BICRA: variants seen among roughly 807,000 people sequenced by gnomAD.
BICRA encodes BRD4 interacting chromatin remodeling complex associated protein, also known as BRD4-interacting chromatin-remodeling complex-associated protein.
BICRA carries 31 observed loss-of-function variants against 96.9 expected under a neutral mutation model. The ratio of observed to expected loss-of-function variants is 0.32; its 90% CI spans 0.24 to 0.43. BICRA has a LOEUF of 0.43. Among genes scored for constraint, BICRA ranks in the 20% least tolerant of loss-of-function variants. The pLI is 1.00. For missense variants in BICRA, 2,283 were observed against 2,190.3 expected, an observed-to-expected ratio of 1.04 and a Z score of -0.84; for synonymous variants, 1,350 against 1,071.8, an observed-to-expected ratio of 1.26 and a Z score of -5.07.
chr19:47,629,159 G>A (rs199604284), intron 1 of BICRA, among the ~76,000 whole-genome samples: 4 of 151,856 alleles, frequency 2.6e-5, no homozygotes, highest in South Asian at 2.1e-4. Context: ...CCACCACCAC[G>A]CCCGGCTAAT....
chr19:47,701,199 G>A lies in BICRA; in HGVS notation c.3596-129G>A. 1 of 669,328 alleles carries A rather than the reference G, an allele frequency of 1.5e-6. No homozygotes were observed. Among genetic ancestry groups the A allele is most frequent in the East Asian group, 2.7e-5 (1 of 36,942 alleles). The allele number at this position is 669,328 out of a possible 1,614,324, so 41.5% of individuals were successfully genotyped here. A position where few individuals can be genotyped will look rare whatever the true frequency, so the allele number is the denominator to read the frequency against. On this transcript the variant is annotated intron_variant, in intron 14 of 14. Transcript: ENST00000594866. This position sits in a 1 kb window ranked among gnomAD's most constrained non-coding sequence, Gnocchi z 5.4. ...GAGGGTCTCACCAAGCCTATCCTGA[G>A]GATTGGAGGGTCCAGGGTGCAGTCT...
Position 47,695,342 on chromosome 19 carries a change from TCCC to T in BICRA, c.3077-20_3077-18del. 7 of 630,180 alleles carry T rather than the reference TCCC, an allele frequency of 1.1e-5. No homozygotes were observed. The highest frequency in any genetic ancestry group is 5.8e-5 in the Admixed American group (2 of 34,530). 39.0% of individuals were successfully genotyped at this position (630,180 alleles called of 1,614,324 possible). A position where few individuals can be genotyped will look rare whatever the true frequency, so the allele number is the denominator to read the frequency against. ...TCATGCAGTGACCGCAGGCCCTGTC[TCCC>T]CCACCCCACCCACCCCCAGGCCTCC... On this transcript the variant is annotated intron_variant, in intron 9 of 14. Coordinates refer to ENST00000594866, the MANE Select transcript of BICRA (RefSeq NM_001394372.1).
Position 47,694,537 on chromosome 19 carries a change from G to T in BICRA, c.2706G>T (p.Thr902=). ...CGTCCTCCAGGTTGCCAGCCCCTAC[G>T]CCATCCGACTTCCAGCTCCAGTTCC... ...SETSSRLPAP[T]PSDFQLQFPP... is the part of the protein sequence containing the mutation. The change falls in exon 8 of 15, where the codon ACG becomes ACT. Residue 902 remains threonine (T), a synonymous_variant. Transcript: ENST00000594866. 1 of 1,536,930 alleles carries T rather than the reference G, an allele frequency of 6.5e-7. No individual in the cohort carries two copies. Among genetic ancestry groups the T allele is most frequent in the South Asian group, 1.1e-5 (1 of 89,372 alleles).
chr19:47,612,892 C>A (rs532782303), intron 1 of BICRA, among the ~76,000 whole-genome samples: 2 of 151,762 alleles, frequency 1.3e-5, no homozygotes, highest in South Asian at 4.2e-4. Context: ...GCCACTGTCC[C>A]CTCCTTTAAG....
At chr19:47,697,795 C>G (rs1973370662) in intron 11 of BICRA, among the ~76,000 whole-genome samples, 1 of 152,148 alleles carries the variant, frequency 6.6e-6, no homozygotes, top group Non-Finnish European at 1.5e-5. Flanking sequence ...GTCTGAAACT[C>G]CTAGTCTCAA....
chr19:47,656,161 C>T (rs1972615872), intron 1 of BICRA, among the ~76,000 whole-genome samples: 1 of 151,674 alleles, frequency 6.6e-6, no homozygotes, highest in Non-Finnish European at 1.5e-5. Context: ...ATGGCGCACA[C>T]CTAAGGAGGA....
chr19:47,684,174 TTTA>T (rs1973109772), intron 7 of BICRA, among the ~76,000 whole-genome samples: 1 of 152,052 alleles, frequency 6.6e-6, no homozygotes, highest in South Asian at 2.1e-4. Flanking sequence ...AATGTTTGCT[TTTA>T]TTATTATTAC....
intron 1 of BICRA, among the ~76,000 whole-genome samples, chr19:47,649,963 T>A (rs1972517666): frequency 6.8e-6 from 1 of 147,580 alleles, no homozygotes; most frequent in Non-Finnish European, 1.5e-5. Flanking sequence ...TTGCCATTAC[T>A]TTTTTTTTTT....
chr19:47,699,728 G>A lies in BICRA; in HGVS notation c.3595+323G>A, dbSNP rs566696920. On this transcript the variant is annotated intron_variant, in intron 14 of 14. Transcript: ENST00000594866. The surrounding 1 kb of genome is among the most constrained non-coding windows in gnomAD (Gnocchi z 5.0). ...TAGGTTGCAAAATATATAAGGTAAC[G>A]CCCACTCTTGGGTGCCAGTCCTTTG... 7.9e-5 allele frequency among the ~76,000 whole-genome samples: 12 copies of A among 152,270 alleles called. No individual in the cohort carries two copies. In the South Asian group the frequency reaches 8.3e-4, roughly 11 times the overall value.
chr19:47,610,617 C>CA (rs1555783201), intron 1 of BICRA, among the ~76,000 whole-genome samples: 1 of 146,420 alleles, frequency 6.8e-6, no homozygotes, highest in African/African-American at 2.6e-5. Flanking sequence ...CACCCCCCCC[C>CA]CACACACACA....
intron 1 of BICRA, among the ~76,000 whole-genome samples, chr19:47,658,409 C>T (rs1039641680): frequency 2.0e-5 from 3 of 151,994 alleles, no homozygotes; most frequent in African/African-American, 4.8e-5. Flanking sequence ...GCTTCTAGGC[C>T]GGGCATGGTG....
intron 1 of BICRA, among the ~76,000 whole-genome samples, chr19:47,621,740 A>AT (rs1972068159): frequency 1.3e-5 from 2 of 152,018 alleles, no homozygotes; most frequent in South Asian, 4.1e-4. Context: ...AAGTGCTGGG[A>AT]TTACAGGCGT....
chr19:47,675,926 G>T lies in BICRA; in HGVS notation c.150+10G>T. 5 of 1,590,646 alleles carry T rather than the reference G, an allele frequency of 3.1e-6. No homozygotes were observed. Among genetic ancestry groups the T allele is most frequent in the East Asian group, 2.3e-5 (1 of 44,284 alleles). The stretch of plus-strand genomic sequence containing the variant: ...CTATGAAGGTCCTGGGGTAAGTGCC[G>T]TGGCTCCCGATCATTGCCTGAGCTG... On this transcript the variant is annotated intron_variant, in intron 5 of 14. Coordinates refer to ENST00000594866, the MANE Select transcript of BICRA (RefSeq NM_001394372.1). The surrounding 1 kb of genome is among the most constrained non-coding windows in gnomAD (Gnocchi z 4.7).
intron 1 of BICRA, among the ~76,000 whole-genome samples, chr19:47,638,578 G>T: frequency 6.6e-6 from 1 of 151,976 alleles, no homozygotes; most frequent in South Asian, 2.1e-4. Flanking sequence ...AAGCATCTCT[G>T]TCACTCGCTC....
At chr19:47,690,982 G>A (rs1205313120) in intron 7 of BICRA, among the ~76,000 whole-genome samples, 1 of 152,104 alleles carries the variant, frequency 6.6e-6, no homozygotes, top group Non-Finnish European at 1.5e-5. Context: ...TGCTATGCAG[G>A]AAATTACCCT....
At position 47,694,535 on chromosome 19, in the gene BICRA, A is replaced by G; in HGVS notation, c.2704A>G (p.Thr902Ala). Reference protein sequence around the residue: ...SETSSRLPAPTPSDFQLQFPP... With the variant: ...SETSSRLPAPAPSDFQLQFPP... ...GACGTCCTCCAGGTTGCCAGCCCCT[A>G]CGCCATCCGACTTCCAGCTCCAGTT... is the stretch of plus-strand genomic sequence containing the variant. Residue 902 changes from threonine (T) to alanine (A), a missense_variant, in exon 8 of 15, where the codon ACG becomes GCG. Physicochemically the swap from Thr to Ala is moderately conservative, Grantham distance 58. Transcript: ENST00000594866. The G allele has an allele frequency of 6.3e-7, 1 of 1,594,076 alleles. No homozygotes were observed. Among genetic ancestry groups the G allele is most frequent in the Non-Finnish European group, 8.5e-7 (1 of 1,175,346 alleles).
intron 11 of BICRA, among the ~76,000 whole-genome samples, chr19:47,697,018 G>GA (rs397831414): frequency 3.3e-5 from 5 of 150,518 alleles, no homozygotes; most frequent in African/African-American, 1.2e-4. Flanking sequence ...TTTAGGGGGG[G>GA]TTCTTTGAGC....
chr19:47,698,973 G>A lies in BICRA; in HGVS notation c.3406G>A (p.Glu1136Lys), dbSNP rs774892791. The A allele has an allele frequency of 1.1e-5, 18 of 1,581,900 alleles. No individual in the cohort carries two copies. In the East Asian group the frequency reaches 2.6e-4, roughly 23 times the overall value. Reference sequence around the variant, plus strand: ...TCTTCCCTTCCTCGCAGTGGACGAGGAGTTTGAGACGGTCTCCACGCAGCT... The same window carrying A: ...TCTTCCCTTCCTCGCAGTGGACGAGAAGTTTGAGACGGTCTCCACGCAGCT... The part of the protein sequence containing the change: ...SPSDYHKVDE[E>K]FETVSTQLLK... Residue 1136 changes from glutamate to lysine, a missense_variant, in exon 13 of 15, where the codon GAG (glutamate) becomes AAG (lysine). Physicochemically the swap from Glu to Lys is moderately conservative, Grantham distance 56. Transcript: ENST00000594866. This position sits in a 1 kb window ranked among gnomAD's most constrained non-coding sequence, Gnocchi z 4.8.
chr19:47,678,750 A>G (rs181129723), intron 5 of BICRA, among the ~76,000 whole-genome samples: 470 of 151,044 alleles, frequency 3.1e-3, no homozygotes, highest in Non-Finnish European at 5.4e-3. Context: ...TTTTTATTAC[A>G]TTTTACTGAT....
Sources: gnomAD v4.1 joint callset for allele counts (sites outside exome capture counted in the v4.1 genomes callset) on GRCh38, gnomAD v4.1.1 for gene constraint, Gnocchi (gnomAD v3.1) non-coding constraint, MANE v1.5 for transcripts, NCBI Gene and HGNC (gene_info 2026-07-23, HGNC 2026-07-21) for gene names.